The following VEPH1 variants were observed in gnomAD, a reference collection of about 807,000 sequenced individuals.
VEPH1 encodes ventricular zone expressed PH domain containing 1, also known as ventricular zone-expressed PH domain-containing protein homolog 1.
A neutral mutation model predicts 85.2 loss-of-function variants in VEPH1; 80 were observed. That is an observed-to-expected ratio of 0.94 (90% CI 0.78 to 1.13). VEPH1 has a LOEUF of 1.13. Ranked by LOEUF, VEPH1 falls within the 50% of genes most tolerant of loss-of-function variation. VEPH1 has a pLI of 0.00. For synonymous variants in VEPH1, 297 were observed against 348.0 expected, an observed-to-expected ratio of 0.85 and a Z score of 1.63; for missense variants, 955 against 980.5, an observed-to-expected ratio of 0.97 and a Z score of 0.35.
At chr3:157,370,431 A>G (rs1000999841) in intron 7 of VEPH1, among the ~76,000 whole-genome samples, 2 of 152,240 alleles carry the variant, frequency 1.3e-5, no homozygotes, top group African/African-American at 4.8e-5. Context: ...AGGAGAATGC[A>G]ATGGACTAAA....
chr3:157,274,019 T>G (rs1420520390), intron 12 of VEPH1, among the ~76,000 whole-genome samples: 4 of 152,222 alleles, frequency 2.6e-5, no homozygotes, highest in Non-Finnish European at 5.9e-5. Context: ...AATCTGCCAC[T>G]TACCAGCTGA....
chr3:157,295,960 A>T (rs6805745), intron 11 of VEPH1, among the ~76,000 whole-genome samples: 59,869 of 151,964 alleles, frequency 0.39, 12,320 homozygotes, highest in African/African-American at 0.52. Flanking sequence ...ATCTCAAAAA[A>T]AAATAAATAA....
intron 2 of VEPH1, among the ~76,000 whole-genome samples, chr3:157,472,129 T>C (rs1577740089): frequency 6.6e-6 from 1 of 152,200 alleles, no homozygotes; most frequent in East Asian, 1.9e-4. Context: ...ATCCACACAT[T>C]CTCCTTTCTT....
intron 2 of VEPH1, among the ~76,000 whole-genome samples, chr3:157,477,926 C>T (rs1440307775): frequency 6.6e-6 from 1 of 152,118 alleles, no homozygotes; most frequent in African/African-American, 2.4e-5. Flanking sequence ...GATCAATCAG[C>T]TTATCAGAGA....
chr3:157,503,361 T>G lies in VEPH1; in HGVS notation c.-242A>C, dbSNP rs145571428. The G allele has an allele frequency of 1.1e-4, 16 of 152,330 alleles. No individual in the cohort carries two copies. The highest frequency in any genetic ancestry group is 3.6e-4 in the African/African-American group (15 of 41,570). The allele number at this position is 152,330 out of a possible 1,614,324, so 9.4% of individuals were successfully genotyped here. On this transcript the variant is annotated 5_prime_UTR_variant, in exon 1 of 14. An upstream start codon of the reference 5' UTR is lost. Transcript: ENST00000362010. ...GCACTGCAGCTGGGACCCATGACCA[T>G]GCTCAGAGGCAGCCTTGCAGCTGCT...
chr3:157,335,670 A>G (rs927834431), intron 9 of VEPH1, among the ~76,000 whole-genome samples: 1 of 152,234 alleles, frequency 6.6e-6, no homozygotes, highest in African/African-American at 2.4e-5. Flanking sequence ...AAGAAGGAAT[A>G]GAGTACAAAA....
chr3:157,447,768 T>A (rs1734661804), intron 4 of VEPH1, among the ~76,000 whole-genome samples: 1 of 152,026 alleles, frequency 6.6e-6, no homozygotes, highest in African/African-American at 2.4e-5. Flanking sequence ...CTAATTTTTG[T>A]ATTTTTAGTA....
Position 157,473,510 on chromosome 3 carries a change from C to A in VEPH1, c.139-2981G>T, listed in dbSNP as rs144158269. Among the ~76,000 whole-genome samples the A allele has an allele frequency of 2.6e-3, 401 of 151,922 alleles. 4 individuals carry two copies. Among genetic ancestry groups the A allele is most frequent in the African/African-American group, 9.1e-3 (376 of 41,424 alleles). On this transcript the variant is annotated intron_variant, in intron 2 of 13. Coordinates refer to ENST00000362010, the MANE Select transcript of VEPH1 (RefSeq NM_001167912.2). ...CTGAGATCTATATATTTTATATATC[C>A]CATGGCTTATTATGTTGGCTAGAAT...
At chr3:157,352,962 C>T (rs1161387698) in intron 9 of VEPH1, among the ~76,000 whole-genome samples, 1 of 152,094 alleles carries the variant, frequency 6.6e-6, no homozygotes, top group Non-Finnish European at 1.5e-5. Flanking sequence ...CTATAGGGAG[C>T]AGAGCTTGCA....
intron 4 of VEPH1, among the ~76,000 whole-genome samples, chr3:157,436,137 T>C (rs4680366): frequency 0.39 from 58,879 of 151,460 alleles, 12,913 homozygotes; most frequent in Admixed American, 0.55. Context: ...ATTAACTGGG[T>C]GTGGTGGCGG....
intron 6 of VEPH1, among the ~76,000 whole-genome samples, chr3:157,384,257 C>T (rs1344459326): frequency 6.6e-6 from 1 of 152,168 alleles, no homozygotes; most frequent in Non-Finnish European, 1.5e-5. Flanking sequence ...GGCAAGGTTT[C>T]AGACTCTAAA....
chr3:157,293,727 G>A (rs530773479), intron 11 of VEPH1, among the ~76,000 whole-genome samples: 1 of 152,300 alleles, frequency 6.6e-6, no homozygotes, highest in South Asian at 2.1e-4. Context: ...TATGAGTTGA[G>A]TAGAAAATAA....
At chr3:157,466,127 T>A (rs1224670866) in intron 3 of VEPH1, among the ~76,000 whole-genome samples, 1 of 152,182 alleles carries the variant, frequency 6.6e-6, no homozygotes, top group African/African-American at 2.4e-5. Context: ...TTTAATCAAG[T>A]TTGCCAAGTT....
chr3:157,360,321 G>A (rs1408581849), intron 9 of VEPH1, among the ~76,000 whole-genome samples: 1 of 152,062 alleles, frequency 6.6e-6, no homozygotes, highest in Non-Finnish European at 1.5e-5. Flanking sequence ...GCAAGGAATT[G>A]CCCAGGAAAT....
chr3:157,304,427 C>T (rs528836020), intron 11 of VEPH1, among the ~76,000 whole-genome samples: 1 of 152,144 alleles, frequency 6.6e-6, no homozygotes, highest in Non-Finnish European at 1.5e-5. Flanking sequence ...AACTGGAACA[C>T]GTGTTAATAA....
chr3:157,354,552 T>C (rs558847301), intron 9 of VEPH1, among the ~76,000 whole-genome samples: 151 of 152,268 alleles, frequency 9.9e-4, no homozygotes, highest in Non-Finnish European at 1.3e-3. Context: ...TATTCATGTC[T>C]CCATTGCAAA....
In VEPH1 at chr3:157,414,084, G is replaced by T. The variant is rs758480216; in HGVS notation, c.703C>A (p.Gln235Lys). 6.2e-7 allele frequency: 1 copy of T among 1,606,996 alleles called. No homozygotes were observed. Among genetic ancestry groups the T allele is most frequent in the Non-Finnish European group, 8.5e-7 (1 of 1,175,058 alleles). The change falls in exon 6 of 14, where the codon CAG (glutamine) becomes AAG (lysine). Residue 235 changes from glutamine to lysine, a missense_variant. By Grantham distance (53) the Gln-to-Lys change is moderately conservative. Transcript: ENST00000362010. The part of the protein sequence containing the change: ...AAKKKQLEVV[Q>K]KCIPFLIGHL... ...CCAATTAGGAAAGGAATACACTTCT[G>T]AACTACCTATAAAGAGAGAGGAGAG...
chr3:157,417,338 A>T (rs1165103233), intron 5 of VEPH1, among the ~76,000 whole-genome samples: 1 of 152,152 alleles, frequency 6.6e-6, no homozygotes, highest in Non-Finnish European at 1.5e-5. Context: ...AAGAATATAG[A>T]TTCTGGCTGC....
chr3:157,495,367 T>C lies in VEPH1; in HGVS notation c.-18A>G, dbSNP rs1375874971. On this transcript the variant is annotated 5_prime_UTR_variant, in exon 2 of 14. Coordinates refer to ENST00000362010, the MANE Select transcript of VEPH1 (RefSeq NM_001167912.2). ...TGATGCATGGTGAGGATGAGTTTGA[T>C]CAGTTGACTTTCTACAGACCCAGAG... is the stretch of plus-strand genomic sequence containing the variant. 6.2e-7 allele frequency: 1 copy of C among 1,612,890 alleles called. No individual in the cohort carries two copies. The highest frequency in any genetic ancestry group is 8.5e-7 in the Non-Finnish European group (1 of 1,179,448).
Sources: gnomAD v4.1 joint callset for allele counts (sites outside exome capture counted in the v4.1 genomes callset) on GRCh38, gnomAD v4.1.1 for gene constraint, MANE v1.5 for transcripts, NCBI Gene and HGNC (gene_info 2026-07-23, HGNC 2026-07-21) for gene names.